ALDH1A2: variants seen among roughly 807,000 people sequenced by gnomAD.
The protein encoded by ALDH1A2 is aldehyde dehydrogenase 1 family member A2, also known as retinal dehydrogenase 2.
Under a neutral mutation model 60.3 loss-of-function variants are expected in ALDH1A2, and 27 were observed. That is an observed-to-expected ratio of 0.45 (90% CI 0.33 to 0.62). ALDH1A2 has a LOEUF of 0.62. ALDH1A2 is among the 20% of genes least tolerant of loss of function. The probability of loss-of-function intolerance (pLI) is 0.02; values close to 1 mark genes in which losing one functional copy is unlikely to be tolerated. For missense variants in ALDH1A2, 581 were observed against 643.8 expected (o/e 0.90, Z 1.06); for synonymous variants, 289 against 232.4 (o/e 1.24, Z -2.21).
At chr15:58,054,635 T>C (rs1030032344) in intron 1 of ALDH1A2, among the ~76,000 whole-genome samples, 3 of 152,162 alleles carry the variant, frequency 2.0e-5, no homozygotes, top group Admixed American at 2.0e-4. Flanking sequence ...CACAAAATGA[T>C]GGCCCACTGG....
chr15:57,955,068 T>C lies in ALDH1A2; in HGVS notation c.*129A>G. On this transcript the variant is annotated 3_prime_UTR_variant, in exon 13 of 13. Transcript: ENST00000249750. ...TAGTTGTGCAGTGACCTGCCTGGCC[T>C]ACATGTTATCTTTTCAATCTTTAAG... The C allele has an allele frequency of 1.9e-6, 2 of 1,064,990 alleles. No homozygotes were observed. Among genetic ancestry groups the C allele is most frequent in the Non-Finnish European group, 2.9e-6 (2 of 681,588 alleles). 66.0% of individuals were successfully genotyped at this position (1,064,990 alleles called of 1,614,324 possible). A position where few individuals can be genotyped will look rare whatever the true frequency, so the allele number is the denominator to read the frequency against.
chr15:58,010,104 A>G lies in ALDH1A2; in HGVS notation c.493+545T>C, dbSNP rs36028814. 3.7e-3 allele frequency among the ~76,000 whole-genome samples: 565 copies of G among 152,308 alleles called. 2 individuals are homozygous for G. Among genetic ancestry groups the G allele is most frequent in the African/African-American group, 0.013 (544 of 41,568 alleles). Reference sequence around the variant, plus strand: ...TGAATCTTAATAATAAAAAGGGGTTAGGATTAGTGTTGTTTGTATAGATTA... The same window carrying G: ...TGAATCTTAATAATAAAAAGGGGTTGGGATTAGTGTTGTTTGTATAGATTA... On this transcript the variant is annotated intron_variant, in intron 4 of 12. Transcript: ENST00000249750.
At chr15:57,977,059 C>T (rs117222883) in intron 7 of ALDH1A2, among the ~76,000 whole-genome samples, 4 of 149,792 alleles carry the variant, frequency 2.7e-5, no homozygotes. Flanking sequence ...TCTTCTTTTG[C>T]GAAGTGTGTG....
intron 7 of ALDH1A2, among the ~76,000 whole-genome samples, chr15:57,986,758 T>C (rs1490902151): frequency 6.6e-6 from 1 of 152,016 alleles, no homozygotes; most frequent in Non-Finnish European, 1.5e-5. Context: ...CTGCAACCTC[T>C]GCCTCCTGGG....
intron 1 of ALDH1A2, among the ~76,000 whole-genome samples, chr15:58,063,820 G>C (rs1201401504): frequency 2.0e-5 from 3 of 152,044 alleles, no homozygotes; most frequent in Non-Finnish European, 2.9e-5. Flanking sequence ...GTATTAAGTG[G>C]GAAAGTGGAT....
chr15:57,962,078 C>T lies in ALDH1A2; in HGVS notation c.1185G>A (p.Lys395=). The change falls in exon 10 of 13, where the codon AAG becomes AAA. Residue 395 remains lysine, a synonymous_variant. Coordinates refer to ENST00000249750, the MANE Select transcript of ALDH1A2 (RefSeq NM_003888.4). ...ACACTGTGGGCTCAATGAAAAACCCCTTTCGGCCCAGTCCTTTGCCTCCAC... is the reference window on the plus strand; with the variant it reads ...ACACTGTGGGCTCAATGAAAAACCCTTTTCGGCCCAGTCCTTTGCCTCCAC... ...LECGGKGLGR[K]GFFIEPTVFS... is the part of the protein sequence containing the mutation. 2.5e-6 allele frequency: 4 copies of T among 1,614,166 alleles called. No individual in the cohort carries two copies. The highest frequency in any genetic ancestry group is 3.4e-6 in the Non-Finnish European group (4 of 1,180,016).
chr15:58,038,298 G>C (rs1186036899), intron 1 of ALDH1A2, among the ~76,000 whole-genome samples: 2 of 151,498 alleles, frequency 1.3e-5, no homozygotes, highest in Non-Finnish European at 3.0e-5. Flanking sequence ...CTATCTCTAG[G>C]AGATGATCCA....
intron 7 of ALDH1A2, among the ~76,000 whole-genome samples, chr15:57,987,952 C>T (rs2140484682): frequency 6.7e-6 from 1 of 149,552 alleles, no homozygotes; most frequent in East Asian, 2.0e-4. Context: ...TGAGAGAAGT[C>T]ATCACTAGTA....
intron 10 of ALDH1A2, 65 bp downstream of exon 10, chr15:57,961,947 C>G: frequency 6.3e-7 from 1 of 1,591,854 alleles, no homozygotes; most frequent in Non-Finnish European, 8.6e-7. Context: ...ATATCATCCA[C>G]TAGAAATGCT....
intron 7 of ALDH1A2, among the ~76,000 whole-genome samples, chr15:57,973,400 TA>T (rs1894135187): frequency 2.0e-5 from 3 of 152,204 alleles, no homozygotes; most frequent in Admixed American, 1.3e-4. Context: ...TTCTTCTTGT[TA>T]ACTGTTCCAG....
chr15:58,058,218 A>G (rs1896943403), intron 1 of ALDH1A2: 1 of 638,746 alleles, frequency 1.6e-6, no homozygotes, highest in Non-Finnish European at 2.8e-6. Flanking sequence ...AAATCGTGCC[A>G]CTATCACACA....
intron 7 of ALDH1A2, among the ~76,000 whole-genome samples, chr15:57,983,633 C>T (rs186858853): frequency 6.6e-6 from 1 of 152,210 alleles, no homozygotes; most frequent in Non-Finnish European, 1.5e-5. Flanking sequence ...TATTAAATGA[C>T]AGAACTTTAG....
At chr15:58,019,645 G>C (rs191859757) in intron 1 of ALDH1A2, among the ~76,000 whole-genome samples, 1 of 152,240 alleles carries the variant, frequency 6.6e-6, no homozygotes, top group African/African-American at 2.4e-5. Context: ...TCAGAGGTTG[G>C]AGGGATTAGT....
At chr15:58,059,498 A>C (rs895018274) in intron 1 of ALDH1A2, among the ~76,000 whole-genome samples, 8 of 152,220 alleles carry the variant, frequency 5.3e-5, no homozygotes, top group Non-Finnish European at 1.2e-4. Context: ...CACTGTCAAA[A>C]GGTATCTACC....
chr15:57,975,502 GAAATCCA>G lies in ALDH1A2; in HGVS notation c.799-9682_799-9676del, dbSNP rs200461371. ...CTTACCAGTTGAGCACCCCGATCTG[GAAATCCA>G]AAATCCAAAATGCTCCAATGAGCCT... On this transcript the variant is annotated intron_variant, in intron 7 of 12. Coordinates refer to ENST00000249750, the MANE Select transcript of ALDH1A2 (RefSeq NM_003888.4). 1.1e-3 allele frequency among the ~76,000 whole-genome samples: 164 copies of G among 152,120 alleles called. 1 individual carries two copies. In the East Asian group the frequency reaches 0.023, roughly 22 times the overall value.
At chr15:58,042,974 G>A (rs114873975) in intron 1 of ALDH1A2, among the ~76,000 whole-genome samples, 2,068 of 151,910 alleles carry the variant, frequency 0.014, 22 homozygotes, top group African/African-American at 0.031. Context: ...TGTGCATTAG[G>A]GGCTTATTTA....
At chr15:58,055,812 A>C (rs1240367186) in intron 1 of ALDH1A2, among the ~76,000 whole-genome samples, 1 of 152,128 alleles carries the variant, frequency 6.6e-6, no homozygotes, top group Non-Finnish European at 1.5e-5. Context: ...TGTTATTTTC[A>C]GACCTGGTGC....
chr15:58,046,821 G>T (rs1182724081), intron 1 of ALDH1A2, among the ~76,000 whole-genome samples: 1 of 152,040 alleles, frequency 6.6e-6, no homozygotes, highest in Non-Finnish European at 1.5e-5. Flanking sequence ...GTGCTCAAAG[G>T]ATATAGTAAA....
chr15:58,026,898 T>A (rs1157796751), intron 1 of ALDH1A2, among the ~76,000 whole-genome samples: 3 of 152,090 alleles, frequency 2.0e-5, no homozygotes, highest in Non-Finnish European at 4.4e-5. Context: ...CCACTACAGC[T>A]CAGCAAGCCC....
Sources: gnomAD v4.1 joint callset for allele counts (sites outside exome capture counted in the v4.1 genomes callset) on GRCh38, gnomAD v4.1.1 for gene constraint, MANE v1.5 for transcripts, NCBI Gene and HGNC (gene_info 2026-07-23, HGNC 2026-07-21) for gene names.